Variants in FBH1 observed in about 807,000 individuals in gnomAD.
FBH1 encodes DNA 3'-5' helicase 1.
Under a neutral mutation model 115.5 loss-of-function variants are expected in FBH1, and 43 were observed. That is an observed-to-expected ratio of 0.37 (90% CI 0.29 to 0.48). FBH1 has a LOEUF of 0.48. FBH1 is among the 20% of genes least tolerant of loss of function. The pLI is 0.99. For synonymous variants in FBH1, 524 were observed against 507.8 expected, an observed-to-expected ratio of 1.03 and a Z score of -0.43; for missense variants, 1,001 against 1,337.3, an observed-to-expected ratio of 0.75 and a Z score of 3.92.
At chr10:5,929,692 G>T (rs1335195855) in intron 19 of FBH1, 1 of 152,180 alleles carries the variant, frequency 6.6e-6, no homozygotes, top group African/African-American at 2.4e-5. Flanking sequence ...AACAAGTATG[G>T]CTGTGTTCCA....
At position 5,895,907 on chromosome 10, in the gene FBH1, C is replaced by A. The variant is rs1842977918; in HGVS notation, c.1+5561C>A. On this transcript the variant is annotated intron_variant, in intron 1 of 20. Coordinates refer to ENST00000362091, the MANE Select transcript of FBH1 (RefSeq NM_178150.3). The surrounding 1 kb of genome is among the most constrained non-coding windows in gnomAD (Gnocchi z 5.0). ...TGCACGCAGGACTGGGAAGTATAGC[C>A]CAGCTGTGTGCTCAGGGAGAAGAGC... Among the ~76,000 whole-genome samples, 1 of 152,154 alleles carries A rather than the reference C, an allele frequency of 6.6e-6. No homozygotes were observed. The highest frequency in any genetic ancestry group is 1.5e-5 in the Non-Finnish European group (1 of 68,032).
rs1163579163 is a variant in FBH1 at position 5,936,083 on chromosome 10, A to G, written c.2830-373A>G. ...GGGATGTTTGGGGCAAGTTTTCTTC[A>G]TGTCCTCTGTGTTGCCTGCCTGGCT... On this transcript the variant is annotated intron_variant, in intron 19 of 20. Coordinates refer to ENST00000362091, the MANE Select transcript of FBH1 (RefSeq NM_178150.3). The surrounding 1 kb of genome is among the most constrained non-coding windows in gnomAD (Gnocchi z 5.6). 1 of 165,704 alleles carries G rather than the reference A, an allele frequency of 6.0e-6. No individual in the cohort carries two copies. Among genetic ancestry groups the G allele is most frequent in the East Asian group, 1.6e-4 (1 of 6,408 alleles). The allele number at this position is 165,704 out of a possible 1,614,324, so 10.3% of individuals were successfully genotyped here.
intron 1 of FBH1, among the ~76,000 whole-genome samples, chr10:5,896,602 G>C (rs756706195): frequency 6.6e-6 from 1 of 152,132 alleles, no homozygotes; most frequent in Admixed American, 6.5e-5. Flanking sequence ...TTGTGGAAGA[G>C]AGTGTCCAAG....
rs2132075082 is a variant in FBH1 at position 5,925,555 on chromosome 10, C to T, written c.2722+63C>T. On this transcript the variant is annotated intron_variant, in intron 18 of 20. Coordinates refer to ENST00000362091, the MANE Select transcript of FBH1 (RefSeq NM_178150.3). This position sits in a 1 kb window ranked among gnomAD's most constrained non-coding sequence, Gnocchi z 4.6. ...GTAGTGAGTGGTGACTGGAATGCTT[C>T]CTTTGCACGGCCTTGTTGTTTGTTG... is the stretch of plus-strand genomic sequence containing the variant. The T allele has an allele frequency of 6.3e-7, 1 of 1,597,526 alleles. No homozygotes were observed. Among genetic ancestry groups the T allele is most frequent in the Admixed American group, 1.7e-5 (1 of 58,520 alleles).
In FBH1 at chr10:5,913,801, G is replaced by A. The variant is rs1404858872; in HGVS notation, c.1266G>A (p.Gln422=). 1.3e-6 allele frequency: 2 copies of A among 1,596,528 alleles called. No individual in the cohort carries two copies. The highest frequency in any genetic ancestry group is 1.7e-6 in the Non-Finnish European group (2 of 1,175,906). Residue 422 remains glutamine (Q), a synonymous_variant, in exon 7 of 21, where the codon CAG becomes CAA. Coordinates refer to ENST00000362091, the MANE Select transcript of FBH1 (RefSeq NM_178150.3). This position sits in a 1 kb window ranked among gnomAD's most constrained non-coding sequence, Gnocchi z 4.4. ...ATCTTCAGGAGAATTCCTGCACTCA[G>A]GCCACAAAAGTTAAAGAGGAGCCAT... ...CLYLQENSCT[Q]ATKVKEEPSV...
chr10:5,921,392 C>G lies in FBH1; in HGVS notation c.2200+35C>G, dbSNP rs1221654502. On this transcript the variant is annotated intron_variant, in intron 14 of 20. Transcript: ENST00000362091. This position sits in a 1 kb window ranked among gnomAD's most constrained non-coding sequence, Gnocchi z 6.4. ...TTAGTTACTCTTCTCTTTTGTGTTA[C>G]AAAAGTTTTCCTCTTTATTTCAATT... The G allele has an allele frequency of 1.2e-6, 2 of 1,610,650 alleles. No individual in the cohort carries two copies. The highest frequency in any genetic ancestry group is 1.7e-6 in the Non-Finnish European group (2 of 1,179,208).
chr10:5,893,442 A>C (rs183246352), intron 1 of FBH1, among the ~76,000 whole-genome samples: 9 of 152,298 alleles, frequency 5.9e-5, no homozygotes, highest in African/African-American at 2.2e-4. Context: ...TGTGGCTCCA[A>C]ATTCCTTTTC....
In FBH1 at chr10:5,937,247, C is replaced by T. The variant is rs772066673; in HGVS notation, c.3099C>T (p.Pro1033=). ...MERTVENIVL[P]RHEALLFLVF The stretch of plus-strand genomic sequence containing the variant: ...GCACTGTGGAGAACATCGTACTGCC[C>T]CGGCATGAGGCCCTGCTCTTCCTCG... The change falls in exon 21 of 21, where the codon CCC becomes CCT. Residue 1033 remains proline, a synonymous_variant. Coordinates refer to ENST00000362091, the MANE Select transcript of FBH1 (RefSeq NM_178150.3). 6.2e-7 allele frequency: 1 copy of T among 1,609,530 alleles called. No individual in the cohort carries two copies. The highest frequency in any genetic ancestry group is 1.7e-5 in the Admixed American group (1 of 59,668).
intron 1 of FBH1, chr10:5,894,952 T>C: frequency 7.0e-7 from 1 of 1,438,218 alleles, no homozygotes; most frequent in Non-Finnish European, 9.4e-7. Flanking sequence ...CAGGGCGGTT[T>C]TATTCCTGCG....
At chr10:5,902,733 C>T (rs369582765) in intron 1 of FBH1, among the ~76,000 whole-genome samples, 4 of 151,924 alleles carry the variant, frequency 2.6e-5, no homozygotes, top group South Asian at 2.1e-4. Context: ...CCAGCCACAA[C>T]GTTTTCTTAA....
chr10:5,911,844 C>G lies in FBH1; in HGVS notation c.1211+716C>G, dbSNP rs1831609583. 6.6e-6 allele frequency among the ~76,000 whole-genome samples: 1 copy of G among 152,132 alleles called. No individual in the cohort carries two copies. Among genetic ancestry groups the G allele is most frequent in the African/African-American group, 2.4e-5 (1 of 41,416 alleles). On this transcript the variant is annotated intron_variant, in intron 6 of 20. Coordinates refer to ENST00000362091, the MANE Select transcript of FBH1 (RefSeq NM_178150.3). The surrounding 1 kb of genome is among the most constrained non-coding windows in gnomAD (Gnocchi z 5.4). ...GAGGGGTGGAAAAAGCTTCTCTGAG[C>G]AGGTAGTGTCTGAGTGAAACCTGAG...
chr10:5,901,813 C>A (rs1589055167), intron 1 of FBH1, among the ~76,000 whole-genome samples: 1 of 152,120 alleles, frequency 6.6e-6, no homozygotes, highest in East Asian at 1.9e-4. Flanking sequence ...ATCCACCCAT[C>A]TTGGCCTCTC....
chr10:5,925,632 ACCT>A lies in FBH1; in HGVS notation c.2722+144_2722+146del, dbSNP rs368071519. The A allele has an allele frequency of 8.1e-4, 1,002 of 1,235,398 alleles. 6 individuals carry two copies. The African/African-American group carries it at 0.012, about 15-fold the overall frequency. 76.5% of individuals were successfully genotyped at this position (1,235,398 alleles called of 1,614,324 possible). On this transcript the variant is annotated intron_variant, in intron 18 of 20. Transcript: ENST00000362091. The surrounding 1 kb of genome is among the most constrained non-coding windows in gnomAD (Gnocchi z 4.6). Reference sequence around the variant, plus strand: ...TTCTGGAAAAACTAAACCACAAAACACCTCCTAGTCCTAAACTTTTGATTCTTA... The same window carrying A: ...TTCTGGAAAAACTAAACCACAAAACACCTAGTCCTAAACTTTTGATTCTTA...
rs1478912759 is a variant in FBH1, at chr10:5,914,190, C to T, written c.1317C>T (p.Ile439=). The T allele has an allele frequency of 6.8e-6, 11 of 1,614,028 alleles. No homozygotes were observed. The highest frequency in any genetic ancestry group is 1.7e-5 in the Admixed American group (1 of 60,004). ...EPSVWPGKKT[I]QLTHEQQLIL... ...GTAATGATTATAGCAAGAAAACCAT[C>T]CAACTTACACATGAACAACAGCTGA... The change falls in exon 8 of 21, where the codon ATC becomes ATT. Residue 439 remains isoleucine, a synonymous_variant. Transcript: ENST00000362091. The surrounding 1 kb of genome is among the most constrained non-coding windows in gnomAD (Gnocchi z 5.2).
In FBH1 at chr10:5,903,191, A is replaced by G. The variant is rs751101292; in HGVS notation, c.157+16A>G. ...GGGAGTAGGGGTATGTCTCCTCTAA[A>G]ACTCTTGCATTTCAAAACCTGTAGT... On this transcript the variant is annotated intron_variant, in intron 2 of 20. Transcript: ENST00000362091. The G allele has an allele frequency of 6.3e-7, 1 of 1,581,792 alleles. No individual in the cohort carries two copies. Among genetic ancestry groups the G allele is most frequent in the South Asian group, 1.2e-5 (1 of 86,038 alleles).
chr10:5,898,803 T>C (rs911925718), intron 1 of FBH1, among the ~76,000 whole-genome samples: 1 of 152,164 alleles, frequency 6.6e-6, no homozygotes, highest in Non-Finnish European at 1.5e-5. Context: ...GCACAGACTA[T>C]ATGTCTGGCC....
At chr10:5,934,713 C>G (rs1833215181) in intron 19 of FBH1, 1 of 151,518 alleles carries the variant, frequency 6.6e-6, no homozygotes, top group Non-Finnish European at 1.5e-5. Flanking sequence ...ATCTTAGATT[C>G]TTTTTGTTTA....
intron 2 of FBH1, among the ~76,000 whole-genome samples, chr10:5,904,247 G>A (rs1451566501): frequency 1.3e-5 from 2 of 151,940 alleles, no homozygotes; most frequent in Non-Finnish European, 2.9e-5. Context: ...TGCCCAGGCT[G>A]GTCTCAAACT....
At position 5,910,503 on chromosome 10, in the gene FBH1, C is replaced by T. The variant is rs552179577; in HGVS notation, c.1021-435C>T. Among the ~76,000 whole-genome samples, 2 of 152,252 alleles carry T rather than the reference C, an allele frequency of 1.3e-5. No individual in the cohort carries two copies. Among genetic ancestry groups the T allele is most frequent in the East Asian group, 1.9e-4 (1 of 5,172 alleles). ...CAGATTTTATTTTCCCCACAGCCTG[C>T]GTGCGGCCCTCTCCTGTGTCTGCGT... On this transcript the variant is annotated intron_variant, in intron 5 of 20. Transcript: ENST00000362091. The surrounding 1 kb of genome is among the most constrained non-coding windows in gnomAD (Gnocchi z 4.8).
Sources: gnomAD v4.1 joint callset for allele counts (sites outside exome capture counted in the v4.1 genomes callset) on GRCh38, gnomAD v4.1.1 for gene constraint, Gnocchi (gnomAD v3.1) non-coding constraint, MANE v1.5 for transcripts, NCBI Gene and HGNC (gene_info 2026-07-23, HGNC 2026-07-21) for gene names.